Variants in CACUL1 observed in about 807,000 individuals in gnomAD.
CACUL1 encodes the protein CDK2-associated and cullin domain-containing protein 1.
Under a neutral mutation model 45.2 loss-of-function variants are expected in CACUL1, and 13 were observed. That is an observed-to-expected ratio of 0.29 (90% CI 0.19 to 0.46). The LOEUF (loss-of-function observed/expected upper bound fraction) is 0.46. CACUL1 is among the 20% of genes least tolerant of loss of function. The pLI is 1.00. For synonymous variants in CACUL1, 197 were observed against 174.2 expected, an observed-to-expected ratio of 1.13 and a Z score of -1.03; for missense variants, 421 against 471.4, an observed-to-expected ratio of 0.89 and a Z score of 0.99.
At chr10:118,689,931 A>G (rs1359104075) in intron 7 of CACUL1, among the ~76,000 whole-genome samples, 1 of 152,234 alleles carries the variant, frequency 6.6e-6, no homozygotes, top group African/African-American at 2.4e-5. Flanking sequence ...ACATGAATGT[A>G]TGAAAGTATA....
chr10:118,746,505 G>A (rs1250477719), intron 1 of CACUL1, among the ~76,000 whole-genome samples: 1 of 152,086 alleles, frequency 6.6e-6, no homozygotes, highest in Non-Finnish European at 1.5e-5. Context: ...CCATAAAACT[G>A]CTAAGAAAAA....
At chr10:118,717,461 G>C (rs1845557572) in intron 3 of CACUL1, among the ~76,000 whole-genome samples, 1 of 152,132 alleles carries the variant, frequency 6.6e-6, no homozygotes, top group South Asian at 2.1e-4. Context: ...AGAAAGCTGT[G>C]AAAGAACATC....
chr10:118,687,161 TA>T (rs1845215503), intron 7 of CACUL1, among the ~76,000 whole-genome samples: 1 of 152,168 alleles, frequency 6.6e-6, no homozygotes, highest in African/African-American at 2.4e-5. Context: ...TTGCTGGCTC[TA>T]CCCAGCCCTC....
At chr10:118,706,849 T>C (rs951904816) in intron 4 of CACUL1, among the ~76,000 whole-genome samples, 6 of 152,260 alleles carry the variant, frequency 3.9e-5, no homozygotes, top group African/African-American at 7.2e-5. Context: ...ATAACATTTT[T>C]AAGATTGCTA....
At chr10:118,754,273 C>T (rs1680891201) in intron 1 of CACUL1, 123 bp downstream of exon 1, 1 of 1,366,246 alleles carries the variant, frequency 7.3e-7, no homozygotes, top group Non-Finnish European at 9.6e-7. Context: ...CGAAGGCGGA[C>T]GGGGAGAAGA....
At chr10:118,706,751 A>G (rs1050629572) in intron 4 of CACUL1, among the ~76,000 whole-genome samples, 1 of 152,220 alleles carries the variant, frequency 6.6e-6, no homozygotes, top group African/African-American at 2.4e-5. Context: ...GAAAATCAGG[A>G]AGCACTACAT....
chr10:118,724,656 C>G (rs1845635740), intron 3 of CACUL1, among the ~76,000 whole-genome samples: 1 of 152,164 alleles, frequency 6.6e-6, no homozygotes, highest in African/African-American at 2.4e-5. Context: ...AAAGAAGAGA[C>G]TGCAGGAAGA....
At chr10:118,722,080 C>CTTT (rs11358147) in intron 3 of CACUL1, among the ~76,000 whole-genome samples, 2 of 140,542 alleles carry the variant, frequency 1.4e-5, no homozygotes, top group South Asian at 2.3e-4. Flanking sequence ...CAGAAACAAA[C>CTTT]TTTTTTTTTT....
rs765631060 is a variant in CACUL1, at chr10:118,754,964, G to T, written c.-202C>A. 8.5e-5 allele frequency: 52 copies of T among 608,962 alleles called. No homozygotes were observed. The South Asian group carries it at 1.3e-3, about 15-fold the overall frequency. The allele number at this position is 608,962 out of a possible 1,614,324, so 37.7% of individuals were successfully genotyped here. A position where few individuals can be genotyped will look rare whatever the true frequency, so the allele number is the denominator to read the frequency against. On this transcript the variant is annotated 5_prime_UTR_variant, in exon 1 of 9. Transcript: ENST00000369151. ...GCGGCTGACGGCGGTGGGCGCTCCGGGGCTCTAGTCTGGGAGAGGCAGCCG... is the reference window on the plus strand; with the variant it reads ...GCGGCTGACGGCGGTGGGCGCTCCGTGGCTCTAGTCTGGGAGAGGCAGCCG...
At chr10:118,731,274 T>C (rs1845695310) in intron 1 of CACUL1, among the ~76,000 whole-genome samples, 1 of 152,190 alleles carries the variant, frequency 6.6e-6, no homozygotes, top group Non-Finnish European at 1.5e-5. Flanking sequence ...ACTGTTTATT[T>C]TACCAGACTA....
intron 1 of CACUL1, among the ~76,000 whole-genome samples, chr10:118,735,376 A>T (rs1845731131): frequency 6.6e-6 from 1 of 152,232 alleles, no homozygotes; most frequent in Non-Finnish European, 1.5e-5. Flanking sequence ...ACTTTCTATC[A>T]GTGCCTCAAA....
At chr10:118,744,999 T>C (rs1246252929) in intron 1 of CACUL1, among the ~76,000 whole-genome samples, 7 of 152,164 alleles carry the variant, frequency 4.6e-5, no homozygotes, top group African/African-American at 1.7e-4. Flanking sequence ...TGAGCAAAAT[T>C]AATGACAGTG....
rs1260110933 is a variant in CACUL1 at position 118,679,841 on chromosome 10, A to G, written c.*6287T>C. The G allele has an allele frequency of 6.6e-6, 1 of 151,852 alleles. No homozygotes were observed. The highest frequency in any genetic ancestry group is 2.4e-5 in the African/African-American group (1 of 41,330). The allele number at this position is 151,852 out of a possible 1,614,324, so 9.4% of individuals were successfully genotyped here. ...GCCCTAATTTAAAAAATTTTTTTGT[A>G]GAGATGGGGTTCTGTGTTACCCAGG... On this transcript the variant is annotated 3_prime_UTR_variant, in exon 9 of 9. Transcript: ENST00000369151.
chr10:118,680,986 A>G lies in CACUL1; in HGVS notation c.*5142T>C, dbSNP rs1053767588. 1 of 152,252 alleles carries G rather than the reference A, an allele frequency of 6.6e-6. No individual in the cohort carries two copies. The highest frequency in any genetic ancestry group is 1.9e-4 in the East Asian group (1 of 5,200). The allele number at this position is 152,252 out of a possible 1,614,324, so 9.4% of individuals were successfully genotyped here. On this transcript the variant is annotated 3_prime_UTR_variant, in exon 9 of 9. Transcript: ENST00000369151. ...TTTATAACATAACATAACAAGGCCA[A>G]CGACATCTGTACAAGATTTATTTCA...
Position 118,677,651 on chromosome 10 carries a change from CAAT to C in CACUL1, c.*8474_*8476del, listed in dbSNP as rs1375717874. 1 of 152,190 alleles carries C rather than the reference CAAT, an allele frequency of 6.6e-6. No individual in the cohort carries two copies. The highest frequency in any genetic ancestry group is 1.9e-4 in the East Asian group (1 of 5,194). The allele number at this position is 152,190 out of a possible 1,614,324, so 9.4% of individuals were successfully genotyped here. On this transcript the variant is annotated 3_prime_UTR_variant, in exon 9 of 9. Coordinates refer to ENST00000369151, the MANE Select transcript of CACUL1 (RefSeq NM_153810.5). ...ATGCTGGCTCTATTCTGACTTCACT[CAAT>C]GATTTCTGAGATGCATCCATGTTGA...
chr10:118,744,352 C>T (rs1018081053), intron 1 of CACUL1, among the ~76,000 whole-genome samples: 2 of 152,072 alleles, frequency 1.3e-5, no homozygotes, highest in Non-Finnish European at 2.9e-5. Flanking sequence ...CGCCATTGCA[C>T]TCCAGCCTGG....
chr10:118,686,118 A>C lies in CACUL1; in HGVS notation c.*10T>G, dbSNP rs775198098. 7 of 1,606,602 alleles carry C rather than the reference A, an allele frequency of 4.4e-6. No individual in the cohort carries two copies. The East Asian group carries it at 1.3e-4, about 31-fold the overall frequency. On this transcript the variant is annotated 3_prime_UTR_variant, in exon 9 of 9. Transcript: ENST00000369151. ...TCTTTTCAGGAAGGAAAGCATATTC[A>C]ATACATTCACTATCTGTACCCCCTG...
chr10:118,719,146 G>GA (rs1845575731), intron 3 of CACUL1, among the ~76,000 whole-genome samples: 1 of 152,164 alleles, frequency 6.6e-6, no homozygotes. Flanking sequence ...AATTTCAGCA[G>GA]AAAAATGGAA....
At chr10:118,718,073 C>A (rs1845564545) in intron 3 of CACUL1, among the ~76,000 whole-genome samples, 1 of 152,178 alleles carries the variant, frequency 6.6e-6, no homozygotes, top group Non-Finnish European at 1.5e-5. Flanking sequence ...AGAAACCCTG[C>A]AACCTGGTGA....
Sources: gnomAD v4.1 joint callset for allele counts (sites outside exome capture counted in the v4.1 genomes callset) on GRCh38, gnomAD v4.1.1 for gene constraint, MANE v1.5 for transcripts, NCBI Gene and HGNC (gene_info 2026-07-23, HGNC 2026-07-21) for gene names.